Variants in CDK14 observed in about 807,000 individuals in gnomAD.
CDK14 encodes the protein cyclin dependent kinase 14.
CDK14 carries 34 observed loss-of-function variants against 60.7 expected under a neutral mutation model. The ratio of observed to expected loss-of-function variants is 0.56; its 90% CI spans 0.43 to 0.75. The LOEUF is 0.75. Among genes scored for constraint, CDK14 ranks in the 30% least tolerant of loss-of-function variants. The pLI is 0.00. For missense variants in CDK14, 482 were observed against 564.1 expected (o/e 0.85, Z 1.47); for synonymous variants, 197 against 203.7 (o/e 0.97, Z 0.28).
At chr7:91,134,824 G>A (rs373450960) in intron 14 of CDK14, among the ~76,000 whole-genome samples, 22 of 151,198 alleles carry the variant, frequency 1.5e-4, no homozygotes, top group East Asian at 7.9e-4. Context: ...ACAGTGAGCC[G>A]AGATCACACC....
intron 14 of CDK14, among the ~76,000 whole-genome samples, chr7:91,128,822 C>T (rs1800028742): frequency 6.6e-6 from 1 of 152,126 alleles, no homozygotes; most frequent in African/African-American, 2.4e-5. Context: ...TTCCGCATTG[C>T]AGAGTCAGCT....
chr7:91,175,490 T>A (rs1488768919), intron 14 of CDK14, among the ~76,000 whole-genome samples: 15 of 151,932 alleles, frequency 9.9e-5, no homozygotes, highest in Non-Finnish European at 2.9e-5. Context: ...GACTAAATGC[T>A]CCAATTGAAA....
intron 14 of CDK14, among the ~76,000 whole-genome samples, chr7:91,146,946 C>T: frequency 6.6e-6 from 1 of 152,132 alleles, no homozygotes; most frequent in East Asian, 1.9e-4. Context: ...TCTATTTCTA[C>T]AATTTTATGG....
At chr7:91,195,778 G>C (rs1164818079) in intron 14 of CDK14, among the ~76,000 whole-genome samples, 2 of 152,104 alleles carry the variant, frequency 1.3e-5, no homozygotes, top group Non-Finnish European at 2.9e-5. Context: ...CCTTGGGTTG[G>C]AACCTGGGAC....
At chr7:90,876,359 G>A (rs190369660) in intron 6 of CDK14, among the ~76,000 whole-genome samples, 1 of 152,260 alleles carries the variant, frequency 6.6e-6, no homozygotes, top group Admixed American at 6.5e-5. Context: ...TTTCTAGTTT[G>A]GACACCCTCT....
intron 1 of CDK14, chr7:90,597,483 A>AT (rs1799218051): frequency 6.6e-6 from 1 of 152,202 alleles, no homozygotes; most frequent in African/African-American, 2.4e-5. Context: ...GGTTTGTTAG[A>AT]TTTTGAGTAC....
At chr7:90,677,554 C>G (rs1322188774) in intron 2 of CDK14, among the ~76,000 whole-genome samples, 1 of 152,032 alleles carries the variant, frequency 6.6e-6, no homozygotes, top group Non-Finnish European at 1.5e-5. Context: ...TTACTGAGGC[C>G]TCTTTTGTGT....
At chr7:90,732,333 A>G (rs1027285088) in intron 3 of CDK14, among the ~76,000 whole-genome samples, 2 of 152,188 alleles carry the variant, frequency 1.3e-5, no homozygotes, top group Admixed American at 6.5e-5. Flanking sequence ...AGGCTTTGCT[A>G]TCAGGATGAT....
chr7:90,733,458 C>T (rs946410484), intron 3 of CDK14, among the ~76,000 whole-genome samples: 2 of 152,180 alleles, frequency 1.3e-5, no homozygotes, highest in Non-Finnish European at 2.9e-5. Context: ...GAGTCTAAGT[C>T]TCTTTGTAGG....
At chr7:91,159,088 C>G (rs1388876877) in intron 14 of CDK14, among the ~76,000 whole-genome samples, 6 of 152,152 alleles carry the variant, frequency 3.9e-5, no homozygotes, top group Admixed American at 2.0e-4. Flanking sequence ...AAGTGTCATT[C>G]TAATGAAAAA....
intron 4 of CDK14, among the ~76,000 whole-genome samples, chr7:90,781,844 G>A (rs1195215668): frequency 6.6e-6 from 1 of 152,174 alleles, no homozygotes; most frequent in African/African-American, 2.4e-5. Context: ...TTGAAGTCAG[G>A]TAGCATGATG....
chr7:90,811,312 G>A (rs930670414), intron 5 of CDK14, among the ~76,000 whole-genome samples: 62 of 151,592 alleles, frequency 4.1e-4, no homozygotes, highest in African/African-American at 9.9e-4. Flanking sequence ...AAATAACGCC[G>A]CATATCTACA....
rs532214082 is a variant in CDK14 at position 90,884,761 on chromosome 7, A to G, written c.640-14530A>G. 2.6e-5 allele frequency among the ~76,000 whole-genome samples: 4 copies of G among 152,316 alleles called. No individual in the cohort carries two copies. The South Asian group carries it at 6.2e-4, about 24-fold the overall frequency. Reference sequence around the variant, plus strand: ...CATATAGATCAATGGAGCAGGACATAGATCTCAGAAATATCACCACACATC... The same window carrying G: ...CATATAGATCAATGGAGCAGGACATGGATCTCAGAAATATCACCACACATC... On this transcript the variant is annotated intron_variant, in intron 6 of 14. Coordinates refer to ENST00000380050, the MANE Select transcript of CDK14 (RefSeq NM_001287135.2).
intron 11 of CDK14, among the ~76,000 whole-genome samples, chr7:91,060,843 C>T (rs1052710870): frequency 9.9e-5 from 15 of 152,248 alleles, no homozygotes; most frequent in South Asian, 2.1e-4. Context: ...TTTTTTCCTT[C>T]ATTTTAACTT....
chr7:90,998,691 G>A (rs1033270409), intron 10 of CDK14, among the ~76,000 whole-genome samples: 11 of 152,024 alleles, frequency 7.2e-5, no homozygotes, highest in South Asian at 2.1e-4. Context: ...GATCAAGATC[G>A]TCCTGGCTAA....
At chr7:91,147,631 A>G (rs988989339) in intron 14 of CDK14, among the ~76,000 whole-genome samples, 1 of 152,130 alleles carries the variant, frequency 6.6e-6, no homozygotes, top group Non-Finnish European at 1.5e-5. Context: ...CTAACAGATT[A>G]TGTTTGCATA....
chr7:90,857,116 A>G (rs1041008133), intron 5 of CDK14, among the ~76,000 whole-genome samples: 9 of 68,274 alleles, frequency 1.3e-4, no homozygotes, highest in Admixed American at 6.9e-4. Context: ...ATGGTTTTGG[A>G]AAAAAAAAAC....
chr7:90,604,759 G>T (rs1418156804), intron 2 of CDK14, among the ~76,000 whole-genome samples: 1 of 152,202 alleles, frequency 6.6e-6, no homozygotes, highest in Non-Finnish European at 1.5e-5. Flanking sequence ...ACAAAGTAGT[G>T]TAAAATACTG....
intron 5 of CDK14, among the ~76,000 whole-genome samples, chr7:90,814,157 G>A (rs542411601): frequency 1.3e-5 from 2 of 152,284 alleles, no homozygotes; most frequent in East Asian, 3.9e-4. Context: ...AAAGAAAGAT[G>A]TATAATTGGT....
Sources: allele counts gnomAD v4.1 joint callset (sites outside exome capture counted in the v4.1 genomes callset), GRCh38; gene constraint gnomAD v4.1.1; transcripts MANE v1.5; gene names NCBI Gene and HGNC (gene_info 2026-07-23, HGNC 2026-07-21).